The following ACAP1 variants were observed in gnomAD, a reference collection of about 807,000 sequenced individuals.
ACAP1 encodes the protein arf-GAP with coiled-coil, ANK repeat and PH domain-containing protein 1.
In ACAP1, 45 loss-of-function variants were observed where a neutral mutation model predicts 98.8. That is an observed-to-expected ratio of 0.46 (90% CI 0.36 to 0.58). ACAP1 has a LOEUF of 0.58. Among genes scored for constraint, ACAP1 ranks in the 20% least tolerant of loss-of-function variants. The pLI is 0.00. For synonymous variants in ACAP1, 362 were observed against 375.3 expected, an observed-to-expected ratio of 0.96 and a Z score of 0.41; for missense variants, 735 against 971.4, an observed-to-expected ratio of 0.76 and a Z score of 3.24.
chr17:7,345,351 T>C (rs1296761404), intron 10 of ACAP1: 2 of 151,428 alleles, frequency 1.3e-5, no homozygotes, highest in Admixed American at 6.6e-5. Flanking sequence ...TGAGATGGGG[T>C]GTCACTCTGT....
At chr17:7,345,554 C>G (rs934135198) in intron 10 of ACAP1, 2 of 152,276 alleles carry the variant, frequency 1.3e-5, no homozygotes, top group Admixed American at 6.5e-5. Flanking sequence ...AAACTCCTGA[C>G]ATCAAGCAAT....
Position 7,350,134 on chromosome 17 carries a change from T to C in ACAP1, c.1969T>C (p.Cys657Arg). The C allele has an allele frequency of 6.2e-7, 1 of 1,614,222 alleles. No homozygotes were observed. The highest frequency in any genetic ancestry group is 8.5e-7 in the Non-Finnish European group (1 of 1,180,028). The part of the protein sequence containing the change: ...ATILGHTGLA[C>R]LFLKRGADLG... ...CCTGGCTCTTCTCTCCAGGCTCGCC[T>C]GCCTGTTCCTGAAACGGGGAGCTGA... is the stretch of plus-strand genomic sequence containing the variant. Residue 657 changes from cysteine to arginine, a missense_variant, in exon 20 of 22, where the codon TGC becomes CGC. Transcript: ENST00000158762. This position sits in a 1 kb window ranked among gnomAD's most constrained non-coding sequence, Gnocchi z 4.6.
Position 7,343,828 on chromosome 17 carries a change from C to T in ACAP1, c.574-33C>T. The T allele has an allele frequency of 6.2e-7, 1 of 1,613,892 alleles. No individual in the cohort carries two copies. The highest frequency in any genetic ancestry group is 8.5e-7 in the Non-Finnish European group (1 of 1,179,890). On this transcript the variant is annotated intron_variant, in intron 7 of 21. Coordinates refer to ENST00000158762, the MANE Select transcript of ACAP1 (RefSeq NM_014716.4). The surrounding 1 kb of genome is among the most constrained non-coding windows in gnomAD (Gnocchi z 4.9). ...AAGGGAATGGGGAGAGGGGTTCTTCCTCAGCCTTCCCACTGCCCGCCTTGT... is the reference window on the plus strand; with the variant it reads ...AAGGGAATGGGGAGAGGGGTTCTTCTTCAGCCTTCCCACTGCCCGCCTTGT...
Position 7,347,958 on chromosome 17 carries a change from G to C in ACAP1, c.1380G>C (p.Leu460=). ...TTCACTTCTCCAAAGTCCGGTCTCT[G>C]ACCCTTGACTCATGGGAGCCAGAAC... ...LGVHFSKVRS[L]TLDSWEPELV... is the part of the protein sequence containing the mutation. The change falls in exon 15 of 22, where the codon CTG becomes CTC. Residue 460 remains leucine (L), a synonymous_variant. Coordinates refer to ENST00000158762, the MANE Select transcript of ACAP1 (RefSeq NM_014716.4). 1 of 1,614,212 alleles carries C rather than the reference G, an allele frequency of 6.2e-7. No individual in the cohort carries two copies. Among genetic ancestry groups the C allele is most frequent in the African/African-American group, 1.3e-5 (1 of 75,066 alleles).
Position 7,348,433 on chromosome 17 carries a change from C to A in ACAP1, c.1636C>A (p.Pro546Thr), listed in dbSNP as rs749927164. 10 of 1,504,746 alleles carry A rather than the reference C, an allele frequency of 6.6e-6. No homozygotes were observed. The African/African-American group carries it at 9.8e-5, about 15-fold the overall frequency. 93.2% of individuals were successfully genotyped at this position (1,504,746 alleles called of 1,614,324 possible). The change falls in exon 17 of 22, where the codon CCT (proline) becomes ACT (threonine). Residue 546 changes from proline to threonine, a missense_variant. Pro to Thr is a conservative substitution (Grantham distance 38). Coordinates refer to ENST00000158762, the MANE Select transcript of ACAP1 (RefSeq NM_014716.4). ...PRGQPPVPPKPSIRPRPGSLR... is the reference protein window; with the variant it reads ...PRGQPPVPPKTSIRPRPGSLR... ...GGGGCAGCCTCCTGTGCCCCCAAAG[C>A]CTTCCATCAGGCCCCGGCCAGGGAG...
chr17:7,348,540 C>T lies in ACAP1; in HGVS notation c.1678+65C>T, dbSNP rs2073370402. On this transcript the variant is annotated intron_variant, in intron 17 of 21. Transcript: ENST00000158762. ...TGCTCGGCATCGTGCCAGGTAGCGCCGGGAGGCACAGAGTGTGAAGCCCAG... is the reference window on the plus strand; with the variant it reads ...TGCTCGGCATCGTGCCAGGTAGCGCTGGGAGGCACAGAGTGTGAAGCCCAG... 4.2e-6 allele frequency: 6 copies of T among 1,427,946 alleles called. No individual in the cohort carries two copies. In the South Asian group the frequency reaches 4.7e-5, roughly 11 times the overall value. 88.5% of individuals were successfully genotyped at this position (1,427,946 alleles called of 1,614,324 possible).
chr17:7,343,933 T>C lies in ACAP1; in HGVS notation c.646T>C (p.Tyr216His), dbSNP rs779305296. ...TGAGGAGCTGAGCCGGCTGTCCCAG[T>C]ATCGAAAGGAGCTGGGCGCCCAGGT... Reference protein sequence around the residue: ...GHEELSRLSQYRKELGAQLHQ... With the variant: ...GHEELSRLSQHRKELGAQLHQ... The change falls in exon 8 of 22, where the codon TAT becomes CAT. Residue 216 changes from tyrosine to histidine, a missense_variant. This residue lies in a region of ACAP1 where 430 missense variants were observed against 531.8 expected (regional missense o/e 0.81). Transcript: ENST00000158762. This position sits in a 1 kb window ranked among gnomAD's most constrained non-coding sequence, Gnocchi z 4.9. 6.2e-7 allele frequency: 1 copy of C among 1,600,704 alleles called. No individual in the cohort carries two copies. Among genetic ancestry groups the C allele is most frequent in the Non-Finnish European group, 8.5e-7 (1 of 1,173,402 alleles).
chr17:7,350,299 T>C lies in ACAP1; in HGVS notation c.2072+62T>C. The C allele has an allele frequency of 7.1e-7, 1 of 1,402,336 alleles. No homozygotes were observed. The highest frequency in any genetic ancestry group is 1.2e-5 in the South Asian group (1 of 83,836). The allele number at this position is 1,402,336 out of a possible 1,614,324, so 86.9% of individuals were successfully genotyped here. ...CTCCCCCCACCCCCGCCCACCCACG[T>C]TCGGGCGGGCGGGCGGGGCTGACGC... is the stretch of plus-strand genomic sequence containing the variant. On this transcript the variant is annotated intron_variant, in intron 20 of 21. Coordinates refer to ENST00000158762, the MANE Select transcript of ACAP1 (RefSeq NM_014716.4). This position sits in a 1 kb window ranked among gnomAD's most constrained non-coding sequence, Gnocchi z 4.6.
At position 7,348,389 on chromosome 17, in the gene ACAP1, G is replaced by A. The variant is rs752266980; in HGVS notation, c.1592G>A (p.Gly531Asp). 1.3e-6 allele frequency: 2 copies of A among 1,563,216 alleles called. No homozygotes were observed. The highest frequency in any genetic ancestry group is 1.7e-6 in the Non-Finnish European group (2 of 1,153,880). Residue 531 changes from glycine to aspartate, a missense_variant, in exon 17 of 22, where the codon GGT becomes GAT. Gly to Asp is a moderately conservative substitution (Grantham distance 94). Coordinates refer to ENST00000158762, the MANE Select transcript of ACAP1 (RefSeq NM_014716.4). ...TKLPEIRGRRGGRGRPRGQPP... is the reference protein window; with the variant it reads ...TKLPEIRGRRDGRGRPRGQPP... The stretch of plus-strand genomic sequence containing the variant: ...CTGCCTGAGATTCGAGGGCGAAGAG[G>A]TGGCCGGGGGCGCCCAAGGGGGCAG...
At chr17:7,349,904 G>A in intron 18 of ACAP1, 41 bp from the exon 19 acceptor site, 1 of 1,503,610 alleles carries the variant, frequency 6.7e-7, no homozygotes, top group South Asian at 1.2e-5. Context: ...CCACCACTAG[G>A]GATGCCACCC....
rs2073328981 is a variant in ACAP1, at chr17:7,344,577, G to C, written c.783G>C (p.Glu261Asp). The change falls in exon 10 of 22, where the codon GAG becomes GAC. Residue 261 changes from glutamate (E) to aspartate (D), a missense_variant. Physicochemically the swap from Glu to Asp is conservative, Grantham distance 45. Transcript: ENST00000158762. The surrounding 1 kb of genome is among the most constrained non-coding windows in gnomAD (Gnocchi z 4.9). ...GGEEPEPSLR[E>D]GPGGLVMEGH... ...AGGAGCCAGAACCAAGCTTAAGAGA[G>C]GGGCCTGGTGGCCTGGTGATGGAAG... is the stretch of plus-strand genomic sequence containing the variant. 1 of 1,551,420 alleles carries C rather than the reference G, an allele frequency of 6.4e-7. No individual in the cohort carries two copies. The highest frequency in any genetic ancestry group is 1.4e-5 in the African/African-American group (1 of 72,984).
rs748587562 is a variant in ACAP1, at chr17:7,350,081, G to T, written c.1961+27G>T. 12 of 1,613,174 alleles carry T rather than the reference G, an allele frequency of 7.4e-6. No homozygotes were observed. The highest frequency in any genetic ancestry group is 9.3e-6 in the Non-Finnish European group (11 of 1,179,320). On this transcript the variant is annotated intron_variant, in intron 19 of 21. Transcript: ENST00000158762. The surrounding 1 kb of genome is among the most constrained non-coding windows in gnomAD (Gnocchi z 4.6). ...TAGGGATGATGGCATGGGGAGGAAG[G>T]CTGGGAGAAGTTGGGCGGCCGGCTG...
chr17:7,350,086 G>GAGAA lies in ACAP1; in HGVS notation c.1961+33_1961+36dup. 6.2e-7 allele frequency: 1 copy of GAGAA among 1,613,324 alleles called. No homozygotes were observed. The highest frequency in any genetic ancestry group is 8.5e-7 in the Non-Finnish European group (1 of 1,179,336). On this transcript the variant is annotated intron_variant, in intron 19 of 21. Transcript: ENST00000158762. The surrounding 1 kb of genome is among the most constrained non-coding windows in gnomAD (Gnocchi z 4.6). Reference sequence around the variant, plus strand: ...ATGATGGCATGGGGAGGAAGGCTGGGAGAAGTTGGGCGGCCGGCTGACCCT... The same window carrying GAGAA: ...ATGATGGCATGGGGAGGAAGGCTGGGAGAAAGAAGTTGGGCGGCCGGCTGACCCT...
intron 5 of ACAP1, 65 bp downstream of exon 5, chr17:7,342,539 G>C: frequency 6.4e-7 from 1 of 1,559,910 alleles, no homozygotes; most frequent in Admixed American, 1.7e-5. Context: ...GCCAAGGCGG[G>C]AGGATTGCTT....
At chr17:7,341,031 G>A (rs879863566) in intron 2 of ACAP1, among the ~76,000 whole-genome samples, 1 of 152,104 alleles carries the variant, frequency 6.6e-6, no homozygotes. Context: ...GGCCCCAGGA[G>A]TACCCCGGCA....
In ACAP1 at chr17:7,350,787, T is replaced by C. The variant is rs1183190624; in HGVS notation, c.2073-163T>C. On this transcript the variant is annotated intron_variant, in intron 20 of 21. Coordinates refer to ENST00000158762, the MANE Select transcript of ACAP1 (RefSeq NM_014716.4). The surrounding 1 kb of genome is among the most constrained non-coding windows in gnomAD (Gnocchi z 4.6). ...CACCACCCCCGGCTAATTTTTTGTA[T>C]TTTTAGTAGAGACGGGGTTTCACCA... is the stretch of plus-strand genomic sequence containing the variant. 4 of 623,602 alleles carry C rather than the reference T, an allele frequency of 6.4e-6. No individual in the cohort carries two copies. Among genetic ancestry groups the C allele is most frequent in the Non-Finnish European group, 1.1e-5 (4 of 360,478 alleles). The allele number at this position is 623,602 out of a possible 1,614,324, so 38.6% of individuals were successfully genotyped here.
In ACAP1 at chr17:7,346,268, C is replaced by A. The variant is rs763292897; in HGVS notation, c.879C>A (p.Asn293Lys). Reference sequence around the variant, plus strand: ...GACGCTGGTTCACCATTCAGAGCAACCAACTGGTTTACCAGAAGAAGTACA... The same window carrying A: ...GACGCTGGTTCACCATTCAGAGCAAACAACTGGTTTACCAGAAGAAGTACA... ...WSRRWFTIQS[N>K]QLVYQKKYKD... is the part of the protein sequence containing the mutation. The change falls in exon 11 of 22, where the codon AAC becomes AAA. Residue 293 changes from asparagine to lysine, a missense_variant. This residue lies in a region of ACAP1 where 430 missense variants were observed against 531.8 expected (regional missense o/e 0.81). Coordinates refer to ENST00000158762, the MANE Select transcript of ACAP1 (RefSeq NM_014716.4). 1.1e-5 allele frequency: 17 copies of A among 1,614,084 alleles called. No individual in the cohort carries two copies. Among genetic ancestry groups the A allele is most frequent in the Non-Finnish European group, 1.1e-5 (13 of 1,180,042 alleles).
chr17:7,342,817 A>C (rs1437014702), intron 5 of ACAP1: 1 of 351,268 alleles, frequency 2.8e-6, no homozygotes, highest in Non-Finnish European at 5.4e-6. Flanking sequence ...CCGAGGCAGG[A>C]GAATCATTTG....
chr17:7,351,153 C>A, intron 21 of ACAP1, 142 bp from the exon 22 acceptor site: 2 of 1,101,518 alleles, frequency 1.8e-6, no homozygotes, highest in African/African-American at 1.6e-5. Flanking sequence ...CCTGGCAAGG[C>A]ATAGGTGCTG....
Sources: allele counts gnomAD v4.1 joint callset (sites outside exome capture counted in the v4.1 genomes callset), GRCh38; gene constraint gnomAD v4.1.1; regional missense constraint gnomAD v4.1.1; non-coding constraint Gnocchi (gnomAD v3.1); transcripts MANE v1.5; gene names NCBI Gene and HGNC (gene_info 2026-07-23, HGNC 2026-07-21).